Variants in OR52J3 observed in about 807,000 individuals in gnomAD.
The protein encoded by OR52J3 is olfactory receptor 52J3.
For missense variants in OR52J3, 450 were observed against 392.3 expected (o/e 1.15, Z -1.24); for synonymous variants, 159 against 142.9 (o/e 1.11, Z -0.80).
Position 5,046,694 on chromosome 11 carries a change from C to G in OR52J3, c.169C>G (p.Leu57Val), listed in dbSNP as rs780711447. 1.9e-6 allele frequency: 3 copies of G among 1,613,880 alleles called. No individual in the cohort carries two copies. The highest frequency in any genetic ancestry group is 2.5e-6 in the Non-Finnish European group (3 of 1,179,970). Residue 57 changes from leucine to valine, a missense_variant, in exon 1 of 1, where the codon CTC (leucine) becomes GTC (valine). Leu to Val is a conservative substitution (Grantham distance 32). Coordinates refer to ENST00000380370, the MANE Select transcript of OR52J3 (RefSeq NM_001001916.2). ...GCTAGTCATCAAGGTAGAACAGACT[C>G]TCCGGGAGCCCATGTTCTACTTCCT... Reference protein sequence around the residue: ...ILLVIKVEQTLREPMFYFLAI... With the variant: ...ILLVIKVEQTVREPMFYFLAI...
Position 5,047,024 on chromosome 11 carries a change from C to T in OR52J3, c.499C>T (p.Arg167Cys), listed in dbSNP as rs200293164. Residue 167 changes from arginine to cysteine, a missense_variant, in exon 1 of 1, where the codon CGC (arginine) becomes TGC (cysteine). By Grantham distance (180) the Arg-to-Cys change is radical (BLOSUM62 -3). Coordinates refer to ENST00000380370, the MANE Select transcript of OR52J3 (RefSeq NM_001001916.2). The part of the protein sequence containing the change: ...LTLPMVYLIY[R>C]LPFCQAHIIA... ...ACTTCCCATGGTCTATCTTATCTACCGCCTACCCTTTTGTCAGGCTCACAT... is the reference window on the plus strand; with the variant it reads ...ACTTCCCATGGTCTATCTTATCTACTGCCTACCCTTTTGTCAGGCTCACAT... 1.7e-5 allele frequency: 27 copies of T among 1,613,682 alleles called. No homozygotes were observed. Among genetic ancestry groups the T allele is most frequent in the African/African-American group, 6.7e-5 (5 of 74,780 alleles).
In OR52J3 at chr11:5,047,443, T is replaced by A. The variant is rs1564833321; in HGVS notation, c.918T>A (p.Tyr306Ter). The A allele has an allele frequency of 8.2e-6, 13 of 1,588,712 alleles. No homozygotes were observed. The highest frequency in any genetic ancestry group is 1.1e-5 in the Non-Finnish European group (13 of 1,173,042). ...RTKQIRERVLYVFTKK is the reference protein window; with the variant it reads ...RTKQIRERVL ...AACAGATTCGAGAACGAGTGCTCTA[T>A]GTTTTTACTAAAAAATAAGACTCTT... The change falls in exon 1 of 1, where the codon TAT becomes TAA. Residue 306 changes from tyrosine (Y) to a stop codon, truncating the protein, a stop_gained. Coordinates refer to ENST00000380370, the MANE Select transcript of OR52J3 (RefSeq NM_001001916.2). LOFTEE classifies it low-confidence loss of function (END_TRUNC).
rs1401470857 is a variant in OR52J3, at chr11:5,046,724, A to G, written c.199A>G (p.Ile67Val). The change falls in exon 1 of 1, where the codon ATT becomes GTT. Residue 67 changes from isoleucine (I) to valine (V), a missense_variant. Physicochemically the swap from Ile to Val is conservative, Grantham distance 29 (BLOSUM62 3). Transcript: ENST00000380370. ...LREPMFYFLA[I>V]LSTIDLALST... ...GGAGCCCATGTTCTACTTCCTGGCC[A>G]TTCTTTCCACTATTGATTTGGCCCT... 2 of 1,613,928 alleles carry G rather than the reference A, an allele frequency of 1.2e-6. No homozygotes were observed. Among genetic ancestry groups the G allele is most frequent in the Admixed American group, 1.7e-5 (1 of 59,966 alleles).
In OR52J3 at chr11:5,046,892, G is replaced by T. The variant is rs74407754; in HGVS notation, c.367G>T (p.Asp123Tyr). The change falls in exon 1 of 1, where the codon GAC becomes TAC. Residue 123 changes from aspartate (D) to tyrosine (Y), a missense_variant. Asp to Tyr is a radical substitution (Grantham distance 160). Coordinates refer to ENST00000380370, the MANE Select transcript of OR52J3 (RefSeq NM_001001916.2). ...EAEVLLAMAF[D>Y]RYVAVCAPLH... ...TGAGGTCTTACTGGCTATGGCTTTTGACCGTTATGTGGCCGTCTGTGCTCC... is the reference window on the plus strand; with the variant it reads ...TGAGGTCTTACTGGCTATGGCTTTTTACCGTTATGTGGCCGTCTGTGCTCC... 6.2e-7 allele frequency: 1 copy of T among 1,613,828 alleles called. No homozygotes were observed. Among genetic ancestry groups the T allele is most frequent in the South Asian group, 1.1e-5 (1 of 91,052 alleles).
At position 5,047,070 on chromosome 11, in the gene OR52J3, A is replaced by G; in HGVS notation, c.545A>G (p.Glu182Gly). 6.2e-7 allele frequency: 1 copy of G among 1,613,512 alleles called. No homozygotes were observed. The highest frequency in any genetic ancestry group is 8.5e-7 in the Non-Finnish European group (1 of 1,179,910). The change falls in exon 1 of 1, where the codon GAG becomes GGG. Residue 182 changes from glutamate to glycine, a missense_variant. Physicochemically the swap from Glu to Gly is moderately conservative, Grantham distance 98. Coordinates refer to ENST00000380370, the MANE Select transcript of OR52J3 (RefSeq NM_001001916.2). ...QAHIIAHSYCEHMGIAKLSCG... is the reference protein window; with the variant it reads ...QAHIIAHSYCGHMGIAKLSCG... ...CACATAATAGCCCATTCCTACTGTGAGCACATGGGCATTGCAAAATTGTCC... is the reference window on the plus strand; with the variant it reads ...CACATAATAGCCCATTCCTACTGTGGGCACATGGGCATTGCAAAATTGTCC...
rs61731854 is a variant in OR52J3, at chr11:5,047,247, C to T, written c.722C>T (p.Thr241Met). The change falls in exon 1 of 1, where the codon ACG becomes ATG. Residue 241 changes from threonine to methionine, a missense_variant. By Grantham distance (81) the Thr-to-Met change is moderately conservative. Coordinates refer to ENST00000380370, the MANE Select transcript of OR52J3 (RefSeq NM_001001916.2). ...SHDAQLKALSTCGAHVGVICV... is the reference protein window; with the variant it reads ...SHDAQLKALSMCGAHVGVICV... Reference sequence around the variant, plus strand: ...GATGCTCAGCTAAAAGCCCTAAGCACGTGTGGCGCTCATGTTGGAGTCATC... The same window carrying T: ...GATGCTCAGCTAAAAGCCCTAAGCATGTGTGGCGCTCATGTTGGAGTCATC... The T allele has an allele frequency of 4.3e-5, 70 of 1,612,564 alleles. No homozygotes were observed. In the African/African-American group the frequency reaches 5.8e-4, roughly 13 times the overall value.
rs991629836 is a variant in OR52J3, at chr11:5,047,163, T to C, written c.638T>C (p.Val213Ala). Reference sequence around the variant, plus strand: ...GTTTCTTTCTTTGTTCTGAACCTGGTGCTCATTGGCATCTCGTATGTTTAC... The same window carrying C: ...GTTTCTTTCTTTGTTCTGAACCTGGCGCTCATTGGCATCTCGTATGTTTAC... ...FVVSFFVLNL[V>A]LIGISYVYIL... The change falls in exon 1 of 1, where the codon GTG becomes GCG. Residue 213 changes from valine (V) to alanine (A), a missense_variant. Val to Ala is a moderately conservative substitution (Grantham distance 64). Transcript: ENST00000380370. 10 of 1,611,734 alleles carry C rather than the reference T, an allele frequency of 6.2e-6. No individual in the cohort carries two copies. The highest frequency in any genetic ancestry group is 8.5e-6 in the Non-Finnish European group (10 of 1,179,566).
At position 5,047,252 on chromosome 11, in the gene OR52J3, G is replaced by A. The variant is rs1249129300; in HGVS notation, c.727G>A (p.Gly243Ser). 2 of 1,612,272 alleles carry A rather than the reference G, an allele frequency of 1.2e-6. No homozygotes were observed. Among genetic ancestry groups the A allele is most frequent in the Non-Finnish European group, 1.7e-6 (2 of 1,179,706 alleles). The change falls in exon 1 of 1, where the codon GGC (glycine) becomes AGC (serine). Residue 243 changes from glycine (G) to serine (S), a missense_variant. Physicochemically the swap from Gly to Ser is moderately conservative, Grantham distance 56 (BLOSUM62 0). Coordinates refer to ENST00000380370, the MANE Select transcript of OR52J3 (RefSeq NM_001001916.2). Reference protein sequence around the residue: ...DAQLKALSTCGAHVGVICVFY... With the variant: ...DAQLKALSTCSAHVGVICVFY... ...TCAGCTAAAAGCCCTAAGCACGTGT[G>A]GCGCTCATGTTGGAGTCATCTGTGT...
At position 5,047,194 on chromosome 11, in the gene OR52J3, C is replaced by G. The variant is rs1284426517; in HGVS notation, c.669C>G (p.Leu223=). 4 of 1,611,214 alleles carry G rather than the reference C, an allele frequency of 2.5e-6. No individual in the cohort carries two copies. Among genetic ancestry groups the G allele is most frequent in the Non-Finnish European group, 1.7e-6 (2 of 1,179,462 alleles). The change falls in exon 1 of 1, where the codon CTC becomes CTG. Residue 223 remains leucine, a synonymous_variant. Transcript: ENST00000380370. ...TTGGCATCTCGTATGTTTACATTCT[C>G]CGTGCTGTCTTCCGCCTCCCATCAC... is the stretch of plus-strand genomic sequence containing the variant. ...VLIGISYVYI[L]RAVFRLPSHD...
At position 5,047,406 on chromosome 11, in the gene OR52J3, G is replaced by C; in HGVS notation, c.881G>C (p.Gly294Ala). Reference sequence around the variant, plus strand: ...CCCTCTCTCAACCCCATCATTTATGGGGTGAGGACCAAACAGATTCGAGAA... The same window carrying C: ...CCCTCTCTCAACCCCATCATTTATGCGGTGAGGACCAAACAGATTCGAGAA... ...IPPSLNPIIY[G>A]VRTKQIRERV... Residue 294 changes from glycine (G) to alanine (A), a missense_variant, in exon 1 of 1, where the codon GGG becomes GCG. Coordinates refer to ENST00000380370, the MANE Select transcript of OR52J3 (RefSeq NM_001001916.2). 1 of 1,609,734 alleles carries C rather than the reference G, an allele frequency of 6.2e-7. No homozygotes were observed. Among genetic ancestry groups the C allele is most frequent in the South Asian group, 1.1e-5 (1 of 90,944 alleles).
rs1314681761 is a variant in OR52J3, at chr11:5,047,085, C to A, written c.560C>A (p.Ala187Glu). Residue 187 changes from alanine to glutamate, a missense_variant, in exon 1 of 1, where the codon GCA (alanine) becomes GAA (glutamate). Ala to Glu is a moderately radical substitution (Grantham distance 107). Transcript: ENST00000380370. The stretch of plus-strand genomic sequence containing the variant: ...TCCTACTGTGAGCACATGGGCATTG[C>A]AAAATTGTCCTGTGGAAACATTCGT... ...AHSYCEHMGI[A>E]KLSCGNIRIN... 1.2e-6 allele frequency: 2 copies of A among 1,613,172 alleles called. No individual in the cohort carries two copies. The highest frequency in any genetic ancestry group is 1.7e-6 in the Non-Finnish European group (2 of 1,179,846).
chr11:5,046,544 A>G lies in OR52J3; in HGVS notation c.19A>G (p.Ser7Gly). MFYHNK[S>G]IFHPVTFFLI... ...TGGAAAAATGTTTTATCACAACAAGAGCATATTTCACCCAGTCACATTTTT... is the reference window on the plus strand; with the variant it reads ...TGGAAAAATGTTTTATCACAACAAGGGCATATTTCACCCAGTCACATTTTT... Residue 7 changes from serine to glycine, a missense_variant, in exon 1 of 1, where the codon AGC (serine) becomes GGC (glycine). Coordinates refer to ENST00000380370, the MANE Select transcript of OR52J3 (RefSeq NM_001001916.2). The G allele has an allele frequency of 4.3e-6, 7 of 1,613,582 alleles. No individual in the cohort carries two copies. Among genetic ancestry groups the G allele is most frequent in the Non-Finnish European group, 5.9e-6 (7 of 1,179,738 alleles).
At position 5,046,944 on chromosome 11, in the gene OR52J3, C is replaced by T. The variant is rs1030222459; in HGVS notation, c.419C>T (p.Ser140Phe). 3.1e-6 allele frequency: 5 copies of T among 1,613,758 alleles called. No homozygotes were observed. In the East Asian group the frequency reaches 1.1e-4, roughly 36 times the overall value. The part of the protein sequence containing the change: ...APLHYATILT[S>F]QVLVGISMCI... Reference sequence around the variant, plus strand: ...CTACATTACGCAACCATCTTGACATCCCAAGTGTTGGTGGGCATTAGCATG... The same window carrying T: ...CTACATTACGCAACCATCTTGACATTCCAAGTGTTGGTGGGCATTAGCATG... Residue 140 changes from serine to phenylalanine, a missense_variant, in exon 1 of 1, where the codon TCC (serine) becomes TTC (phenylalanine). Physicochemically the swap from Ser to Phe is radical, Grantham distance 155 (BLOSUM62 -2). Coordinates refer to ENST00000380370, the MANE Select transcript of OR52J3 (RefSeq NM_001001916.2).
Position 5,046,633 on chromosome 11 carries a change from T to C in OR52J3, c.108T>C (p.Val36=). 1 of 1,613,930 alleles carries C rather than the reference T, an allele frequency of 6.2e-7. No homozygotes were observed. The highest frequency in any genetic ancestry group is 8.5e-7 in the Non-Finnish European group (1 of 1,179,928). The part of the protein sequence containing the change: ...HMWISGPFCS[V]YLVALLGNAT... ...GGATCTCCGGGCCTTTCTGCTCTGTTTACCTTGTGGCTTTGCTGGGCAATG... is the reference window on the plus strand; with the variant it reads ...GGATCTCCGGGCCTTTCTGCTCTGTCTACCTTGTGGCTTTGCTGGGCAATG... Residue 36 remains valine (V), a synonymous_variant, in exon 1 of 1, where the codon GTT becomes GTC. Coordinates refer to ENST00000380370, the MANE Select transcript of OR52J3 (RefSeq NM_001001916.2).
rs770789207 is a variant in OR52J3 at position 5,047,426 on chromosome 11, C to G, written c.901C>G (p.Arg301Gly). Residue 301 changes from arginine (R) to glycine (G), a missense_variant, in exon 1 of 1, where the codon CGA (arginine) becomes GGA (glycine). By Grantham distance (125) the Arg-to-Gly change is moderately radical. Transcript: ENST00000380370. ...IIYGVRTKQI[R>G]ERVLYVFTKK ...TTATGGGGTGAGGACCAAACAGATT[C>G]GAGAACGAGTGCTCTATGTTTTTAC... 1 of 1,604,118 alleles carries G rather than the reference C, an allele frequency of 6.2e-7. No individual in the cohort carries two copies. Among genetic ancestry groups the G allele is most frequent in the East Asian group, 2.2e-5 (1 of 44,830 alleles).
At position 5,046,714 on chromosome 11, in the gene OR52J3, C is replaced by G; in HGVS notation, c.189C>G (p.Tyr63Ter). The G allele has an allele frequency of 1.9e-6, 3 of 1,614,014 alleles. No homozygotes were observed. The highest frequency in any genetic ancestry group is 2.5e-6 in the Non-Finnish European group (3 of 1,179,966). ...VEQTLREPMF[Y>*]FLAILSTIDL... Reference sequence around the variant, plus strand: ...AGACTCTCCGGGAGCCCATGTTCTACTTCCTGGCCATTCTTTCCACTATTG... The same window carrying G: ...AGACTCTCCGGGAGCCCATGTTCTAGTTCCTGGCCATTCTTTCCACTATTG... The change falls in exon 1 of 1, where the codon TAC becomes TAG. Residue 63 changes from tyrosine to a stop codon, truncating the protein, a stop_gained. Transcript: ENST00000380370. LOFTEE classifies it low-confidence loss of function (END_TRUNC).
chr11:5,047,246 A>G lies in OR52J3; in HGVS notation c.721A>G (p.Thr241Ala). The G allele has an allele frequency of 1.2e-6, 2 of 1,612,500 alleles. No homozygotes were observed. The highest frequency in any genetic ancestry group is 1.7e-6 in the Non-Finnish European group (2 of 1,179,738). Reference sequence around the variant, plus strand: ...TGATGCTCAGCTAAAAGCCCTAAGCACGTGTGGCGCTCATGTTGGAGTCAT... The same window carrying G: ...TGATGCTCAGCTAAAAGCCCTAAGCGCGTGTGGCGCTCATGTTGGAGTCAT... ...SHDAQLKALS[T>A]CGAHVGVICV... is the part of the protein sequence containing the mutation. The change falls in exon 1 of 1, where the codon ACG becomes GCG. Residue 241 changes from threonine to alanine, a missense_variant. Physicochemically the swap from Thr to Ala is moderately conservative, Grantham distance 58 (BLOSUM62 0). Transcript: ENST00000380370.
At position 5,046,863 on chromosome 11, in the gene OR52J3, AG is replaced by A. The variant is rs1391827378; in HGVS notation, c.340del (p.Ala114LeufsTer25). Reference sequence around the variant, plus strand: ...CTGATCCATGCCTTCACTGGCATGGAGGCTGAGGTCTTACTGGCTATGGCTT... The same window carrying A: ...CTGATCCATGCCTTCACTGGCATGGAGCTGAGGTCTTACTGGCTATGGCTT... ...MFLIHAFTGM[E>X]AEVLLAMAFD... On this transcript the variant is annotated frameshift_variant, in exon 1 of 1. Transcript: ENST00000380370. LOFTEE classifies it low-confidence loss of function (END_TRUNC). 1 of 1,613,832 alleles carries A rather than the reference AG, an allele frequency of 6.2e-7. No homozygotes were observed. The highest frequency in any genetic ancestry group is 8.5e-7 in the Non-Finnish European group (1 of 1,179,944).
At position 5,047,296 on chromosome 11, in the gene OR52J3, C is replaced by A; in HGVS notation, c.771C>A (p.Val257=). The A allele has an allele frequency of 6.2e-7, 1 of 1,613,050 alleles. No homozygotes were observed. The highest frequency in any genetic ancestry group is 8.5e-7 in the Non-Finnish European group (1 of 1,179,832). ...TCTGTGTTTTCTATATCCCTTCAGTCTTCTCTTTCCTTACTCATCGATTTG... is the reference window on the plus strand; with the variant it reads ...TCTGTGTTTTCTATATCCCTTCAGTATTCTCTTTCCTTACTCATCGATTTG... ...GVICVFYIPS[V]FSFLTHRFGH... Residue 257 remains valine (V), a synonymous_variant, in exon 1 of 1, where the codon GTC becomes GTA. Coordinates refer to ENST00000380370, the MANE Select transcript of OR52J3 (RefSeq NM_001001916.2).
Sources: gnomAD v4.1 joint callset for allele counts on GRCh38, gnomAD v4.1.1 for gene constraint, MANE v1.5 for transcripts, NCBI Gene and HGNC (gene_info 2026-07-23, HGNC 2026-07-21) for gene names.